The following SIPA1L3 variants were observed in gnomAD, a reference collection of about 807,000 sequenced individuals.
SIPA1L3 encodes the protein signal-induced proliferation-associated 1-like protein 3.
A neutral mutation model predicts 150.1 loss-of-function variants in SIPA1L3; 59 were observed. The observed-to-expected ratio is 0.39, with a 90% CI of 0.32 to 0.49. SIPA1L3 has a LOEUF of 0.49. SIPA1L3 is among the 20% of genes least tolerant of loss of function. The probability of loss-of-function intolerance (pLI) is 0.86; values close to 1 mark genes in which losing one functional copy is unlikely to be tolerated. For synonymous variants in SIPA1L3, 1,070 were observed against 1,077.6 expected (o/e 0.99, Z 0.14); for missense variants, 2,211 against 2,489.5 (o/e 0.89, Z 2.38).
chr19:37,927,592 G>GTAAGAACA (rs1482566798), intron 1 of SIPA1L3, among the ~76,000 whole-genome samples: 2 of 138,586 alleles, frequency 1.4e-5, no homozygotes, highest in Admixed American at 7.4e-5. Flanking sequence ...CCACTTAGAA[G>GTAAGAACA]TAAGAACATG....
In SIPA1L3 at chr19:38,054,055, A is replaced by G. The variant is rs536868258; in HGVS notation, c.-311+24899A>G. Among the ~76,000 whole-genome samples, 12 of 152,180 alleles carry G rather than the reference A, an allele frequency of 7.9e-5. No homozygotes were observed. The South Asian group carries it at 2.5e-3, about 32-fold the overall frequency. On this transcript the variant is annotated intron_variant, in intron 2 of 21. Coordinates refer to ENST00000222345, the MANE Select transcript of SIPA1L3 (RefSeq NM_015073.3). ...GTTCAAACCCAGGCAGCCTGAGTTCAGAATTTGTGCCCTTAACGGTGGCTC... is the reference window on the plus strand; with the variant it reads ...GTTCAAACCCAGGCAGCCTGAGTTCGGAATTTGTGCCCTTAACGGTGGCTC...
At chr19:38,090,731 A>C (rs1475493512) in intron 4 of SIPA1L3, among the ~76,000 whole-genome samples, 3 of 152,248 alleles carry the variant, frequency 2.0e-5, no homozygotes, top group Non-Finnish European at 4.4e-5. Flanking sequence ...ATGGACGCCT[A>C]GCAGGCTGAG....
At chr19:38,001,065 C>T (rs983161350) in intron 1 of SIPA1L3, among the ~76,000 whole-genome samples, 6 of 150,558 alleles carry the variant, frequency 4.0e-5, no homozygotes, top group African/African-American at 1.2e-4. Context: ...ATATATATCA[C>T]ATATATATCA....
chr19:37,991,569 GCTTAT>G (rs1967510105), intron 1 of SIPA1L3, among the ~76,000 whole-genome samples: 1 of 152,240 alleles, frequency 6.6e-6, no homozygotes, highest in African/African-American at 2.4e-5. Flanking sequence ...CCCTGGGCTG[GCTTAT>G]GTACCCCACC....
intron 1 of SIPA1L3, among the ~76,000 whole-genome samples, chr19:37,909,272 A>G (rs1002077828): frequency 2.6e-5 from 4 of 152,178 alleles, no homozygotes; most frequent in Non-Finnish European, 4.4e-5. Flanking sequence ...CAGTGGCACA[A>G]TCTCAGCTCA....
intron 2 of SIPA1L3, among the ~76,000 whole-genome samples, chr19:38,043,006 G>A (rs551476369): frequency 6.6e-6 from 1 of 152,246 alleles, no homozygotes; most frequent in East Asian, 1.9e-4. Flanking sequence ...AGATAATGCT[G>A]CCTACATCAT....
chr19:38,192,075 A>G, intron 16 of SIPA1L3, 70 bp from the exon 17 acceptor site: 4 of 1,455,284 alleles, frequency 2.7e-6, no homozygotes, highest in African/African-American at 2.9e-5. Context: ...GGCCCTCTTG[A>G]ATCCAAACAG....
chr19:37,993,851 C>A (rs1448821963), intron 1 of SIPA1L3, among the ~76,000 whole-genome samples: 2 of 152,168 alleles, frequency 1.3e-5, no homozygotes, highest in Admixed American at 1.3e-4. Context: ...ATTTTAATAG[C>A]TGTACTTTTA....
At chr19:37,977,625 G>A (rs1967107055) in intron 1 of SIPA1L3, among the ~76,000 whole-genome samples, 2 of 150,906 alleles carry the variant, frequency 1.3e-5, no homozygotes, top group Admixed American at 6.6e-5. Context: ...AGAAACAGTT[G>A]TCCCCAGGAA....
chr19:38,148,278 GA>G lies in SIPA1L3; in HGVS notation c.3534-4561del, dbSNP rs370753344. On this transcript the variant is annotated intron_variant, in intron 12 of 21. Coordinates refer to ENST00000222345, the MANE Select transcript of SIPA1L3 (RefSeq NM_015073.3). Reference sequence around the variant, plus strand: ...AGGCAGGAGAATCACTTGAACCCGGGAGGCGGAGGTTGCAGTGAGCTGAGAT... The same window carrying G: ...AGGCAGGAGAATCACTTGAACCCGGGGGCGGAGGTTGCAGTGAGCTGAGAT... 6.9e-3 allele frequency among the ~76,000 whole-genome samples: 1,051 copies of G among 151,848 alleles called. 12 individuals carry two copies. The highest frequency in any genetic ancestry group is 0.024 in the African/African-American group (996 of 41,368).
intron 7 of SIPA1L3, 31 bp downstream of exon 7, chr19:38,106,671 C>A (rs781060602): frequency 6.8e-6 from 10 of 1,475,688 alleles, no homozygotes; most frequent in Non-Finnish European, 2.8e-6. Flanking sequence ...GCACGGCTGC[C>A]GGATGTTGGC....
Position 38,182,547 on chromosome 19 carries a change from G to T in SIPA1L3, c.4237G>T (p.Ala1413Ser), listed in dbSNP as rs376194031. 1 of 1,613,078 alleles carries T rather than the reference G, an allele frequency of 6.2e-7. No homozygotes were observed. Among genetic ancestry groups the T allele is most frequent in the Non-Finnish European group, 8.5e-7 (1 of 1,179,466 alleles). The stretch of plus-strand genomic sequence containing the variant: ...CATGGGCTCGAGGGTTGGCTACCCC[G>T]CTCAGGTTTACAAAACTGCCAGTGC... ...SDMGSRVGYPAQVYKTASAET... is the reference protein window; with the variant it reads ...SDMGSRVGYPSQVYKTASAET... The change falls in exon 16 of 22, where the codon GCT becomes TCT. Residue 1413 changes from alanine to serine, a missense_variant. Transcript: ENST00000222345.
chr19:38,070,068 A>C (rs1969682087), intron 2 of SIPA1L3, among the ~76,000 whole-genome samples: 1 of 152,082 alleles, frequency 6.6e-6, no homozygotes, highest in South Asian at 2.1e-4. Flanking sequence ...GGCCTTGGAT[A>C]CTGGCTGTTC....
intron 8 of SIPA1L3, among the ~76,000 whole-genome samples, chr19:38,117,341 T>TG (rs1328203858): frequency 6.6e-6 from 1 of 152,112 alleles, no homozygotes; most frequent in African/African-American, 2.4e-5. Flanking sequence ...ACCTAGGGGC[T>TG]GGGCGCAGTG....
chr19:38,148,816 G>A (rs997401652), intron 12 of SIPA1L3, among the ~76,000 whole-genome samples: 1 of 152,150 alleles, frequency 6.6e-6, no homozygotes, highest in African/African-American at 2.4e-5. Context: ...ACCATAGCTA[G>A]TCAGCTCATC....
intron 1 of SIPA1L3, among the ~76,000 whole-genome samples, chr19:37,961,558 A>G (rs775533847): frequency 6.6e-6 from 1 of 152,212 alleles, no homozygotes; most frequent in Non-Finnish European, 1.5e-5. Context: ...AAACAAAACA[A>G]CACGAAAACC....
At chr19:38,197,470 T>C (rs995879678) in intron 18 of SIPA1L3, among the ~76,000 whole-genome samples, 3 of 152,158 alleles carry the variant, frequency 2.0e-5, no homozygotes, top group African/African-American at 7.2e-5. Flanking sequence ...GTGTCATACC[T>C]GAACCTGCCC....
intron 2 of SIPA1L3, among the ~76,000 whole-genome samples, chr19:38,062,338 T>G (rs2145782190): frequency 6.6e-6 from 1 of 152,340 alleles, no homozygotes; most frequent in African/African-American, 2.4e-5. Flanking sequence ...AGATTTGACC[T>G]GCCTGGGTTC....
At chr19:38,170,088 G>C (rs2145996381) in intron 15 of SIPA1L3, among the ~76,000 whole-genome samples, 1 of 152,208 alleles carries the variant, frequency 6.6e-6, no homozygotes, top group Non-Finnish European at 1.5e-5. Flanking sequence ...AGCCCAAAGG[G>C]GGCCCCCCTA....
Sources: allele counts gnomAD v4.1 joint callset (sites outside exome capture counted in the v4.1 genomes callset), GRCh38; gene constraint gnomAD v4.1.1; transcripts MANE v1.5; gene names NCBI Gene and HGNC (gene_info 2026-07-23, HGNC 2026-07-21).